The following FBN3 variants were observed in gnomAD, a reference collection of about 807,000 sequenced individuals.
FBN3 encodes the protein fibrillin 3, also known as fibrillin-3.
A neutral mutation model predicts 330.1 loss-of-function variants in FBN3; 234 were observed. The ratio of observed to expected loss-of-function variants is 0.71; its 90% confidence interval spans 0.64 to 0.79. The LOEUF (loss-of-function observed/expected upper bound fraction) is 0.79. Ranked by LOEUF, FBN3 falls within the 30% of genes least tolerant of loss-of-function variation. The probability of loss-of-function intolerance (pLI) is 0.00; values close to 1 mark genes in which losing one functional copy is unlikely to be tolerated. For missense variants in FBN3, 3,606 were observed against 3,886.9 expected (o/e 0.93, Z 1.92); for synonymous variants, 1,458 against 1,517.3 (o/e 0.96, Z 0.91).
At chr19:8,105,437 T>C (rs940667391) in intron 38 of FBN3, among the ~76,000 whole-genome samples, 1 of 152,054 alleles carries the variant, frequency 6.6e-6, no homozygotes, top group Non-Finnish European at 1.5e-5. Flanking sequence ...TTTTAATTTT[T>C]TGTAGAGACA....
Position 8,133,087 on chromosome 19 carries a change from G to A in FBN3, c.1611C>T (p.Thr537=). The A allele has an allele frequency of 6.3e-7, 1 of 1,580,318 alleles. No homozygotes were observed. The change falls in exon 14 of 64, where the codon ACC becomes ACT. Residue 537 remains threonine (T), a synonymous_variant. Coordinates refer to ENST00000600128, the MANE Select transcript of FBN3 (RefSeq NM_032447.5). ...ACACGCCGTTGACGCACATGGTGCT[G>A]GTGGCACACTCGTTGTGGTCTGGGG... ...KNCVDHNECA[T]STMCVNGVCL...
chr19:8,135,936 G>GGGGGGGGGGGGGGGGGGGGGGCCCC, intron 13 of FBN3, 25 bp downstream of exon 13: 3 of 668,774 alleles, frequency 4.5e-6, no homozygotes, highest in Non-Finnish European at 4.8e-6. Context: ...GGAAGCCCCT[G>GGGGGGGGGGGGGGGGGGGGGGCCCC]CCCACCCGCC....
rs1179841738 is a variant in FBN3 at position 8,140,967 on chromosome 19, C to T, written c.865+750G>A. 2.6e-5 allele frequency among the ~76,000 whole-genome samples: 4 copies of T among 151,338 alleles called. 1 individual carries two copies. Among genetic ancestry groups the T allele is most frequent in the Non-Finnish European group, 2.9e-5 (2 of 67,830 alleles). On this transcript the variant is annotated intron_variant, in intron 8 of 63. Coordinates refer to ENST00000600128, the MANE Select transcript of FBN3 (RefSeq NM_032447.5). ...CAGCACTTTGGGAGGCCGAGGCGGG[C>T]GGATCACGAGGTCAGGAGATCGAGA...
chr19:8,082,134 CT>C (rs113530025), intron 57 of FBN3, among the ~76,000 whole-genome samples: 74,117 of 151,288 alleles, frequency 0.49, 18,417 homozygotes, highest in Admixed American at 0.54. Flanking sequence ...AATTTTTTTT[CT>C]TTTTTTCTTT....
chr19:8,075,122 A>G lies in FBN3; in HGVS notation c.7651T>C (p.Cys2551Arg). 2.5e-6 allele frequency: 4 copies of G among 1,590,062 alleles called. No individual in the cohort carries two copies. Among genetic ancestry groups the G allele is most frequent in the Non-Finnish European group, 3.4e-6 (4 of 1,167,894 alleles). ...GCQNQLGGYR[C>R]SCPQGFTQHS... Reference sequence around the variant, plus strand: ...TGGGTGAAACCCTGGGGGCAGCTGCAGCGGTAGCCCCCTAGCTGGTTCTGA... The same window carrying G: ...TGGGTGAAACCCTGGGGGCAGCTGCGGCGGTAGCCCCCTAGCTGGTTCTGA... The change falls in exon 61 of 64, where the codon TGC becomes CGC. Residue 2551 changes from cysteine to arginine, a missense_variant. Cys to Arg is a radical substitution (Grantham distance 180, BLOSUM62 -3). Coordinates refer to ENST00000600128, the MANE Select transcript of FBN3 (RefSeq NM_032447.5).
In FBN3 at chr19:8,091,477, G is replaced by T. The variant is rs1327234670; in HGVS notation, c.6019C>A (p.His2007Asn). 1.9e-6 allele frequency: 3 copies of T among 1,614,008 alleles called. No homozygotes were observed. The East Asian group carries it at 6.7e-5, about 36-fold the overall frequency. The change falls in exon 48 of 64, where the codon CAC (histidine) becomes AAC (asparagine). Residue 2007 changes from histidine (H) to asparagine (N), a missense_variant. Transcript: ENST00000600128. ...PPGFVLSDNG[H>N]RCFDTRQSFC... Reference sequence around the variant, plus strand: ...TGTGTGGACTTACCAAAGCAACGGTGCCCATTGTCAGAGAGGACAAAGCCA... The same window carrying T: ...TGTGTGGACTTACCAAAGCAACGGTTCCCATTGTCAGAGAGGACAAAGCCA...
chr19:8,145,238 G>A (rs1281215936), intron 5 of FBN3, among the ~76,000 whole-genome samples: 5 of 151,970 alleles, frequency 3.3e-5, no homozygotes, highest in African/African-American at 1.2e-4. Flanking sequence ...GCCAGGCATG[G>A]TGGCCGGCTC....
intron 54 of FBN3, among the ~76,000 whole-genome samples, chr19:8,086,653 A>T (rs1292439247): frequency 6.8e-6 from 1 of 146,544 alleles, no homozygotes; most frequent in Admixed American, 6.9e-5. Flanking sequence ...TTTTTAGTAG[A>T]GACGGGGTTT....
chr19:8,127,065 T>G (rs534872430), intron 18 of FBN3, among the ~76,000 whole-genome samples: 5 of 148,676 alleles, frequency 3.4e-5, no homozygotes, highest in South Asian at 4.3e-4. Context: ...TTTTGTTTTT[T>G]TTTTTTTTTT....
rs750361340 is a variant in FBN3, at chr19:8,123,583, T to C, written c.2963A>G (p.Asn988Ser). Residue 988 changes from asparagine (N) to serine (S), a missense_variant, in exon 24 of 64, where the codon AAT (asparagine) becomes AGT (serine). Transcript: ENST00000600128. ...LSGRPFYKDV[N>S]ECKVFPGLCT... ...GAGGCCAGGGAACACCTTGCATTCATTCACATCTGAAGTACAGGGGCATCA... is the reference window on the plus strand; with the variant it reads ...GAGGCCAGGGAACACCTTGCATTCACTCACATCTGAAGTACAGGGGCATCA... 2.5e-6 allele frequency: 4 copies of C among 1,614,042 alleles called. No individual in the cohort carries two copies. The highest frequency in any genetic ancestry group is 1.3e-5 in the African/African-American group (1 of 74,928).
chr19:8,074,171 G>C lies in FBN3; in HGVS notation c.7703-874C>G, dbSNP rs554869615. On this transcript the variant is annotated intron_variant, in intron 61 of 63. Coordinates refer to ENST00000600128, the MANE Select transcript of FBN3 (RefSeq NM_032447.5). ...GTGAAAGGCAGGTCCTTGGCAAACA[G>C]TTGGGGAAAGAATGAATGAGTCAGT... Among the ~76,000 whole-genome samples the C allele has an allele frequency of 1.2e-4, 18 of 152,280 alleles. No individual in the cohort carries two copies. In the South Asian group the frequency reaches 3.7e-3, roughly 32 times the overall value.
chr19:8,073,741 G>A (rs1419541980), intron 61 of FBN3, among the ~76,000 whole-genome samples: 1 of 152,192 alleles, frequency 6.6e-6, no homozygotes, highest in Non-Finnish European at 1.5e-5. Flanking sequence ...GTGCAGTGGT[G>A]CAACCATAGT....
At chr19:8,078,982 T>C (rs915095301) in intron 59 of FBN3, among the ~76,000 whole-genome samples, 4 of 151,986 alleles carry the variant, frequency 2.6e-5, no homozygotes, top group Admixed American at 6.6e-5. Flanking sequence ...AGTCTTGCCA[T>C]GTTGCCTGGG....
At chr19:8,072,473 T>G (rs574606331) in intron 62 of FBN3, among the ~76,000 whole-genome samples, 1 of 152,110 alleles carries the variant, frequency 6.6e-6, no homozygotes, top group Non-Finnish European at 1.5e-5. Context: ...GACATGAGCA[T>G]ACCCAGGGGC....
At chr19:8,130,034 A>G (rs955723191) in intron 16 of FBN3, among the ~76,000 whole-genome samples, 13 of 151,810 alleles carry the variant, frequency 8.6e-5, no homozygotes, top group African/African-American at 3.1e-4. Flanking sequence ...AGTAGCTGGG[A>G]TTACAGCCGC....
rs2082600664 is a variant in FBN3 at position 8,112,054 on chromosome 19, GC to G, written c.3883del (p.Ala1295ProfsTer159). 1.2e-6 allele frequency: 2 copies of G among 1,613,196 alleles called. No homozygotes were observed. Among genetic ancestry groups the G allele is most frequent in the Admixed American group, 3.3e-5 (2 of 59,898 alleles). ...EVGGHNCDSH[A>X]SCLNIPGSFS... ...ACTCCCCGGGATGTTGAGACAGGAGGCGTGACTGTCACAGTTGTGTCCTCCA... is the reference window on the plus strand; with the variant it reads ...ACTCCCCGGGATGTTGAGACAGGAGGGTGACTGTCACAGTTGTGTCCTCCA... On this transcript the variant is annotated frameshift_variant, in exon 31 of 64. Transcript: ENST00000600128. LOFTEE classifies it high-confidence loss of function.
chr19:8,142,597 A>G (rs976265480), intron 6 of FBN3, among the ~76,000 whole-genome samples: 20 of 151,850 alleles, frequency 1.3e-4, no homozygotes, highest in African/African-American at 4.4e-4. Flanking sequence ...CACATCCCCA[A>G]TCCCCATCAG....
At chr19:8,118,359 C>T (rs374913286) in intron 26 of FBN3, among the ~76,000 whole-genome samples, 56 of 152,238 alleles carry the variant, frequency 3.7e-4, no homozygotes, top group African/African-American at 1.3e-3. Context: ...ACTTGGGAGG[C>T]TGAGATGGGA....
rs778677226 is a variant in FBN3, at chr19:8,088,151, G to C, written c.6405C>G (p.Pro2135=). Residue 2135 remains proline, a synonymous_variant, in exon 52 of 64, where the codon CCC becomes CCG. Coordinates refer to ENST00000600128, the MANE Select transcript of FBN3 (RefSeq NM_032447.5). ...VDTDECSVGH[P]CGQGTCTNVI... The stretch of plus-strand genomic sequence containing the variant: ...CATTGGTGCATGTCCCTTGCCCACA[G>C]GGGTGGCCGACAGAGCACTCGTCTG... 6.2e-7 allele frequency: 1 copy of C among 1,610,050 alleles called. No homozygotes were observed.
Sources: allele counts gnomAD v4.1 joint callset (sites outside exome capture counted in the v4.1 genomes callset), GRCh38; gene constraint gnomAD v4.1.1; transcripts MANE v1.5; gene names NCBI Gene and HGNC (gene_info 2026-07-23, HGNC 2026-07-21).